ITGB3BP: variants seen among roughly 807,000 people sequenced by gnomAD.
The protein encoded by ITGB3BP is integrin subunit beta 3 binding protein, also known as centromere protein R.
A neutral mutation model predicts 29.1 loss-of-function variants in ITGB3BP; 27 were observed. The ratio of observed to expected loss-of-function variants is 0.93; its 90% CI spans 0.68 to 1.28. ITGB3BP has a LOEUF of 1.28. ITGB3BP is among the 50% of genes most tolerant of loss of function. The pLI, the probability that ITGB3BP is intolerant of heterozygous loss-of-function variation, is 0.00. For missense variants in ITGB3BP, 192 were observed against 200.2 expected (o/e 0.96, Z 0.25); for synonymous variants, 61 against 61.4 (o/e 0.99, Z 0.03).
rs1252675323 is a variant in ITGB3BP, at chr1:63,514,429, T to C, written c.6-5859A>G. Among the ~76,000 whole-genome samples the C allele has an allele frequency of 3.3e-5, 5 of 152,328 alleles. No individual in the cohort carries two copies. In the East Asian group the frequency reaches 7.7e-4, roughly 24 times the overall value. ...GGTGCTAGATCATTGGGTAGGTGTATATTTATTTAATTTCATAAGAAACTG... is the reference window on the plus strand; with the variant it reads ...GGTGCTAGATCATTGGGTAGGTGTACATTTATTTAATTTCATAAGAAACTG... On this transcript the variant is annotated intron_variant, in intron 1 of 8. Transcript: ENST00000271002.
At chr1:63,525,120 T>C (rs1646562979), upstream of ITGB3BP, among the ~76,000 whole-genome samples, 1 of 152,176 alleles carries the variant, frequency 6.6e-6, no homozygotes, top group African/African-American at 2.4e-5. Flanking sequence ...ACTTACTACG[T>C]GTCAAGCAAT....
At chr1:63,457,818 G>A (rs780888272) in intron 4 of ITGB3BP, 1 of 152,076 alleles carries the variant, frequency 6.6e-6, no homozygotes, top group African/African-American at 2.4e-5. Flanking sequence ...CCAGTTTTAC[G>A]GCATCCTTAC....
intron 2 of ITGB3BP, among the ~76,000 whole-genome samples, chr1:63,497,321 A>C (rs1645811507): frequency 6.6e-6 from 1 of 152,118 alleles, no homozygotes; most frequent in Non-Finnish European, 1.5e-5. Context: ...AATAAAATAA[A>C]ACAAAAAATC....
intron 7 of ITGB3BP, among the ~76,000 whole-genome samples, chr1:63,450,840 T>C (rs949486968): frequency 2.6e-5 from 4 of 151,962 alleles, no homozygotes; most frequent in African/African-American, 9.6e-5. Context: ...TATACTCTCA[T>C]CAAGGCATCC....
upstream of ITGB3BP, among the ~76,000 whole-genome samples, chr1:63,527,065 A>G (rs897172008): frequency 1.2e-4 from 18 of 152,350 alleles, no homozygotes; most frequent in African/African-American, 4.1e-4. Context: ...ACGCCTGGCC[A>G]ATAAATTAAA....
intron 3 of ITGB3BP, among the ~76,000 whole-genome samples, chr1:63,482,523 T>C (rs978583264): frequency 6.6e-6 from 1 of 152,042 alleles, no homozygotes; most frequent in Non-Finnish European, 1.5e-5. Flanking sequence ...TTGAGGCCTG[T>C]AGGCAAAGAG....
chr1:63,442,077 A>G (rs1388720563), intron 8 of ITGB3BP, among the ~76,000 whole-genome samples: 1 of 152,252 alleles, frequency 6.6e-6, no homozygotes, highest in Non-Finnish European at 1.5e-5. Context: ...CGACAGAACG[A>G]GACCCTGTCT....
chr1:63,443,877 A>G (rs994983980), intron 8 of ITGB3BP, among the ~76,000 whole-genome samples: 1 of 132,550 alleles, frequency 7.5e-6, no homozygotes, highest in Non-Finnish European at 1.7e-5. Flanking sequence ...TGAAATCAGT[A>G]TACTTGGGGG....
chr1:63,491,328 T>C (rs961235332), intron 2 of ITGB3BP, among the ~76,000 whole-genome samples: 6 of 152,174 alleles, frequency 3.9e-5, no homozygotes, highest in African/African-American at 1.4e-4. Context: ...TACCAAAAGT[T>C]AGAAGAACAA....
chr1:63,471,163 T>G (rs1360514253), intron 4 of ITGB3BP, among the ~76,000 whole-genome samples: 1 of 151,508 alleles, frequency 6.6e-6, no homozygotes, highest in Non-Finnish European at 1.5e-5. Context: ...TCTAAAAAGT[T>G]TCTTTTTATA....
chr1:63,503,722 T>C (rs1570291866), intron 2 of ITGB3BP, among the ~76,000 whole-genome samples: 2 of 152,334 alleles, frequency 1.3e-5, no homozygotes, highest in Middle Eastern at 6.8e-3. Flanking sequence ...GTTTCAGCTT[T>C]CTACGTATGG....
chr1:63,475,760 G>A (rs969933776), intron 4 of ITGB3BP, among the ~76,000 whole-genome samples: 1 of 152,074 alleles, frequency 6.6e-6, no homozygotes, highest in Non-Finnish European at 1.5e-5. Flanking sequence ...CACTTTAGGA[G>A]GCTGAGGCGG....
chr1:63,490,229 A>C lies in ITGB3BP; in HGVS notation c.49-11T>G. The stretch of plus-strand genomic sequence containing the variant: ...TGAAGGATCAAATGACTGGAAATAA[A>C]TAATAATTAAGGACAGAAATAGCTA... On this transcript the variant is annotated splice_polypyrimidine_tract_variant and intron_variant, in intron 2 of 8. Coordinates refer to ENST00000271002, the MANE Select transcript of ITGB3BP (RefSeq NM_014288.5). The C allele has an allele frequency of 6.6e-7, 1 of 1,521,980 alleles. No homozygotes were observed. Among genetic ancestry groups the C allele is most frequent in the Non-Finnish European group, 9.0e-7 (1 of 1,105,546 alleles). The allele number at this position is 1,521,980 out of a possible 1,614,324, so 94.3% of individuals were successfully genotyped here. A position where few individuals can be genotyped will look rare whatever the true frequency, so the allele number is the denominator to read the frequency against.
chr1:63,476,371 T>C (rs1645341103), intron 4 of ITGB3BP, among the ~76,000 whole-genome samples: 1 of 152,132 alleles, frequency 6.6e-6, no homozygotes, highest in South Asian at 2.1e-4. Context: ...ACCCGGCCTA[T>C]TATTTTTATA....
intron 4 of ITGB3BP, among the ~76,000 whole-genome samples, chr1:63,459,504 C>T (rs890174062): frequency 1.3e-5 from 2 of 152,016 alleles, no homozygotes; most frequent in African/African-American, 4.8e-5. Flanking sequence ...TCTCCATCTC[C>T]CTTGACCTAA....
At chr1:63,449,978 G>A (rs1196692702) in intron 7 of ITGB3BP, among the ~76,000 whole-genome samples, 1 of 151,844 alleles carries the variant, frequency 6.6e-6, no homozygotes, top group East Asian at 1.9e-4. Context: ...TACTTCAGTG[G>A]GTGGTTAGAA....
intron 1 of ITGB3BP, among the ~76,000 whole-genome samples, chr1:63,513,413 C>T (rs1411833871): frequency 6.6e-6 from 1 of 152,110 alleles, no homozygotes; most frequent in African/African-American, 2.4e-5. Context: ...ACCTATGTAC[C>T]CATAACGCTT....
chr1:63,470,052 T>TATTCCTTTA (rs1166838313), intron 4 of ITGB3BP, among the ~76,000 whole-genome samples: 1 of 152,262 alleles, frequency 6.6e-6, no homozygotes, highest in Non-Finnish European at 1.5e-5. Flanking sequence ...TAGCCCAACC[T>TATTCCTTTA]ATTCCTTTAA....
chr1:63,521,729 C>T (rs1047097002), intron 1 of ITGB3BP, among the ~76,000 whole-genome samples: 5 of 152,092 alleles, frequency 3.3e-5, no homozygotes, highest in Admixed American at 6.5e-5. Flanking sequence ...CTGCAGTGAG[C>T]TGTGATCACA....
Sources: gnomAD v4.1 joint callset for allele counts (sites outside exome capture counted in the v4.1 genomes callset) on GRCh38, gnomAD v4.1.1 for gene constraint, MANE v1.5 for transcripts, NCBI Gene and HGNC (gene_info 2026-07-23, HGNC 2026-07-21) for gene names.